PRKDC: variants seen among roughly 807,000 people sequenced by gnomAD.
The protein encoded by PRKDC is DNA-dependent protein kinase catalytic subunit.
In PRKDC, 82 loss-of-function variants were observed where a neutral mutation model predicts 486.9. The ratio of observed to expected loss-of-function variants is 0.17; its 90% CI spans 0.14 to 0.20. PRKDC has a LOEUF of 0.20. Among genes scored for constraint, PRKDC ranks in the 10% least tolerant of loss-of-function variants. The pLI is 1.00. For synonymous variants in PRKDC, 1,895 were observed against 1,837.0 expected (o/e 1.03, Z -0.81); for missense variants, 4,504 against 5,038.2 (o/e 0.89, Z 3.21).
chr8:47,866,889 CATT>C (rs778952744), intron 40 of PRKDC, among the ~76,000 whole-genome samples: 1 of 152,028 alleles, frequency 6.6e-6, no homozygotes, highest in South Asian at 2.1e-4. Context: ...TTCACAACAG[CATT>C]ATTATTATTA....
At chr8:47,941,944 G>T (rs2090452013) in intron 10 of PRKDC, among the ~76,000 whole-genome samples, 1 of 152,226 alleles carries the variant, frequency 6.6e-6, no homozygotes, top group Non-Finnish European at 1.5e-5. Context: ...ATGTCTGCGT[G>T]GCTCATTAAA....
chr8:47,893,481 CTT>C, intron 30 of PRKDC, 94 bp from the exon 31 acceptor site: 1 of 1,287,192 alleles, frequency 7.8e-7, no homozygotes, highest in East Asian at 2.8e-5. Flanking sequence ...ATGGGACAAT[CTT>C]TTTTCATTTT....
At position 47,890,311 on chromosome 8, in the gene PRKDC, G is replaced by A. The variant is rs574571100; in HGVS notation, c.4017C>T (p.Val1339=). 6.2e-7 allele frequency: 1 copy of A among 1,613,016 alleles called. No individual in the cohort carries two copies. Among genetic ancestry groups the A allele is most frequent in the African/African-American group, 1.3e-5 (1 of 74,968 alleles). ...GAGTCGTGGTAAACTCCATAATCCGGACCACAACGGTGCATTTGCTGTAGT... is the reference window on the plus strand; with the variant it reads ...GAGTCGTGGTAAACTCCATAATCCGAACCACAACGGTGCATTTGCTGTAGT... The part of the protein sequence containing the change: ...RYNYSKCTVV[V]RIMEFTTTLL... The change falls in exon 32 of 86, where the codon GTC becomes GTT. Residue 1339 remains valine, a synonymous_variant. Transcript: ENST00000314191.
chr8:47,786,668 A>G (rs1245727670), intron 76 of PRKDC, among the ~76,000 whole-genome samples: 2 of 152,072 alleles, frequency 1.3e-5, no homozygotes, highest in Admixed American at 6.6e-5. Context: ...TTTCTTTATT[A>G]AGAGTCTTTC....
At chr8:47,877,308 C>T (rs931003337) in intron 40 of PRKDC, among the ~76,000 whole-genome samples, 5 of 152,200 alleles carry the variant, frequency 3.3e-5, no homozygotes, top group Admixed American at 6.5e-5. Flanking sequence ...CTGAGGAAAT[C>T]TGACTATGGA....
At chr8:47,945,866 C>T (rs548216590) in intron 7 of PRKDC, among the ~76,000 whole-genome samples, 149 of 152,162 alleles carry the variant, frequency 9.8e-4, no homozygotes, top group African/African-American at 3.5e-3. Context: ...GGATTACAGG[C>T]GCCTGCCACC....
At chr8:47,817,646 T>G (rs1187846828) in intron 67 of PRKDC, 85 bp from the exon 68 acceptor site, 1 of 847,576 alleles carries the variant, frequency 1.2e-6, no homozygotes, top group African/African-American at 1.7e-5. Flanking sequence ...AATAGAAAAT[T>G]CAAACTTCCT....
chr8:47,894,465 C>T (rs954359707), intron 30 of PRKDC, among the ~76,000 whole-genome samples: 1 of 152,052 alleles, frequency 6.6e-6, no homozygotes, highest in Non-Finnish European at 1.5e-5. Flanking sequence ...AAAGGCAGAT[C>T]GAGAGAGAGC....
chr8:47,774,070 T>C lies in PRKDC; in HGVS notation c.*103A>G. On this transcript the variant is annotated 3_prime_UTR_variant, in exon 86 of 86. Coordinates refer to ENST00000314191, the MANE Select transcript of PRKDC (RefSeq NM_006904.7). The stretch of plus-strand genomic sequence containing the variant: ...GAAACTGTAGCACAAAAGACATTTC[T>C]CTTTAGTGTTTCAGGAAAATCAGCT... 2 of 1,183,040 alleles carry C rather than the reference T, an allele frequency of 1.7e-6. No individual in the cohort carries two copies. Among genetic ancestry groups the C allele is most frequent in the East Asian group, 2.6e-5 (1 of 38,916 alleles). The allele number at this position is 1,183,040 out of a possible 1,614,324, so 73.3% of individuals were successfully genotyped here.
At position 47,834,318 on chromosome 8, in the gene PRKDC, G is replaced by A; in HGVS notation, c.8030C>T (p.Ser2677Phe). Residue 2677 changes from serine to phenylalanine, a missense_variant, in exon 59 of 86, where the codon TCC (serine) becomes TTC (phenylalanine). Around this residue, in one of 6 missense-constraint regions of PRKDC, gnomAD observed 1,592 missense variants for 1,724.6 expected, o/e 0.92. Coordinates refer to ENST00000314191, the MANE Select transcript of PRKDC (RefSeq NM_006904.7). ...ACTCCTCTTGTGGGCAAACAGCAAG[G>A]AGTCAGATGAGGGACTGGTGTGGTC... is the stretch of plus-strand genomic sequence containing the variant. ...LVDHTSPSSD[S>F]LLFAHKRSER... 6.2e-7 allele frequency: 1 copy of A among 1,614,020 alleles called. No individual in the cohort carries two copies. Among genetic ancestry groups the A allele is most frequent in the Non-Finnish European group, 8.5e-7 (1 of 1,179,900 alleles).
Position 47,778,492 on chromosome 8 carries a change from G to A in PRKDC, c.11820C>T (p.Ile3940=), listed in dbSNP as rs572922161. Residue 3940 remains isoleucine (I), a synonymous_variant, in exon 83 of 86, where the codon ATC becomes ATT. Coordinates refer to ENST00000314191, the MANE Select transcript of PRKDC (RefSeq NM_006904.7). ...VAMETGGVIG[I]DFGHAFGSAT... ...CGGATCCAAACGCATGCCCAAAGTCGATCCCGATCACGCCGCCAGTCTCCA... is the reference window on the plus strand; with the variant it reads ...CGGATCCAAACGCATGCCCAAAGTCAATCCCGATCACGCCGCCAGTCTCCA... 5.0e-6 allele frequency: 8 copies of A among 1,613,448 alleles called. No homozygotes were observed. The highest frequency in any genetic ancestry group is 2.2e-5 in the South Asian group (2 of 90,922).
Position 47,933,945 on chromosome 8 carries a change from CT to C in PRKDC, c.1623+19del. ...TAAAGGAAGTAAGGTACATTTATGG[CT>C]TTCAATGGTAAATGTTACCATCATC... On this transcript the variant is annotated intron_variant, in intron 15 of 85. Coordinates refer to ENST00000314191, the MANE Select transcript of PRKDC (RefSeq NM_006904.7). 12 of 1,600,820 alleles carry C rather than the reference CT, an allele frequency of 7.5e-6. No individual in the cohort carries two copies. Among genetic ancestry groups the C allele is most frequent in the African/African-American group, 1.3e-5 (1 of 74,806 alleles).
chr8:47,832,774 G>A (rs1276920169), intron 59 of PRKDC, among the ~76,000 whole-genome samples: 1 of 152,234 alleles, frequency 6.6e-6, no homozygotes, highest in African/African-American at 2.4e-5. Flanking sequence ...ACTGGAAGGT[G>A]AGAGTCAGCG....
At chr8:47,878,213 A>C (rs1362503161) in intron 39 of PRKDC, among the ~76,000 whole-genome samples, 1 of 147,910 alleles carries the variant, frequency 6.8e-6, no homozygotes, top group Non-Finnish European at 1.5e-5. Context: ...TCACGCCATT[A>C]TCCTGCCTCA....
At chr8:47,777,934 C>A in intron 83 of PRKDC, 60 bp from the exon 84 acceptor site, 1 of 1,475,960 alleles carries the variant, frequency 6.8e-7, no homozygotes, top group Non-Finnish European at 9.3e-7. Flanking sequence ...AAGTACCGAG[C>A]ACAAATGGCA....
In PRKDC at chr8:47,801,005, A is replaced by G. The variant is rs1391097423; in HGVS notation, c.9923-19T>C. 1 of 1,601,368 alleles carries G rather than the reference A, an allele frequency of 6.2e-7. No homozygotes were observed. The highest frequency in any genetic ancestry group is 1.1e-5 in the South Asian group (1 of 89,692). On this transcript the variant is annotated intron_variant, in intron 70 of 85. Coordinates refer to ENST00000314191, the MANE Select transcript of PRKDC (RefSeq NM_006904.7). ...TTCTCATCTGTTGGATTAAAAAAAC[A>G]AAACAAAACAAAATTTTGTATGTGT...
Position 47,803,933 on chromosome 8 carries a change from C to CAA in PRKDC, c.9748-455_9748-454dup, listed in dbSNP as rs58802347. Among the ~76,000 whole-genome samples, 949 of 141,262 alleles carry CAA rather than the reference C, an allele frequency of 6.7e-3. 6 individuals are homozygous for CAA. Among genetic ancestry groups the CAA allele is most frequent in the African/African-American group, 0.013 (500 of 38,184 alleles). 92.7% of individuals were successfully genotyped at this position (141,262 alleles called of 152,430 possible). On this transcript the variant is annotated intron_variant, in intron 69 of 85. Coordinates refer to ENST00000314191, the MANE Select transcript of PRKDC (RefSeq NM_006904.7). Reference sequence around the variant, plus strand: ...CAGCCTGGGCAACAGAGCAAGTCTCCAAAAAAAAAAAAAAATTCCAGGGGG... The same window carrying CAA: ...CAGCCTGGGCAACAGAGCAAGTCTCCAAAAAAAAAAAAAAAAATTCCAGGGGG...
intron 80 of PRKDC, among the ~76,000 whole-genome samples, chr8:47,780,656 T>G (rs973152191): frequency 6.6e-6 from 1 of 152,094 alleles, no homozygotes; most frequent in African/African-American, 2.4e-5. Flanking sequence ...TATAAAACTG[T>G]AGGCCGGGCG....
In PRKDC at chr8:47,775,188, AAAATAAAT is replaced by A. The variant is rs8178263; in HGVS notation, c.12183-819_12183-812del. On this transcript the variant is annotated intron_variant, in intron 85 of 85. Transcript: ENST00000314191. ...GGTGACAGAGCAAGACTTTGTCTCA[AAAATAAAT>A]AAATAAATAAATAAATAAATTAATT... Among the ~76,000 whole-genome samples, 23 of 150,908 alleles carry A rather than the reference AAAATAAAT, an allele frequency of 1.5e-4. No individual in the cohort carries two copies. In the East Asian group the frequency reaches 2.5e-3, roughly 17 times the overall value.
Sources: allele counts gnomAD v4.1 joint callset (sites outside exome capture counted in the v4.1 genomes callset), GRCh38; gene constraint gnomAD v4.1.1; regional missense constraint gnomAD v4.1.1; transcripts MANE v1.5; gene names NCBI Gene and HGNC (gene_info 2026-07-23, HGNC 2026-07-21).